USP7: variants seen among roughly 807,000 people sequenced by gnomAD.
USP7 encodes the protein ubiquitin specific peptidase 7.
A neutral mutation model predicts 162.9 loss-of-function variants in USP7; 9 were observed. That is an observed-to-expected ratio of 0.06 (90% CI 0.03 to 0.10). The LOEUF is 0.10. USP7 is among the 10% of genes least tolerant of loss of function. The pLI is 1.00. For synonymous variants in USP7, 562 were observed against 475.9 expected, an observed-to-expected ratio of 1.18 and a Z score of -2.35; for missense variants, 715 against 1,373.7, an observed-to-expected ratio of 0.52 and a Z score of 7.58.
chr16:8,903,146 A>T, intron 16 of USP7, 122 bp downstream of exon 16: 1 of 1,305,240 alleles, frequency 7.7e-7, no homozygotes, highest in Non-Finnish European at 1.0e-6. Context: ...CACACTCCTC[A>T]CTGTTAGGCA....
At chr16:8,925,287 C>T (rs1040449524) in intron 2 of USP7, among the ~76,000 whole-genome samples, 1 of 152,174 alleles carries the variant, frequency 6.6e-6, no homozygotes, top group Middle Eastern at 3.2e-3. Context: ...CCATAACACA[C>T]ACAAAACACA....
At position 8,897,726 on chromosome 16, in the gene USP7, A is replaced by AAATATATATATAT. The variant is rs1555461671; in HGVS notation, c.2719-628_2719-627insATATATATATATT. Among the ~76,000 whole-genome samples the AAATATATATATAT allele has an allele frequency of 1.8e-3, 13 of 7,142 alleles. 1 individual carries two copies. The highest frequency in any genetic ancestry group is 3.3e-3 in the African/African-American group (6 of 1,796). 4.7% of individuals were successfully genotyped at this position (7,142 alleles called of 152,430 possible). On this transcript the variant is annotated intron_variant, in intron 25 of 30. Coordinates refer to ENST00000344836, the MANE Select transcript of USP7 (RefSeq NM_003470.3). ...AAAAAAAAAAAAAAAAAAAAAAAAA[A>AAATATATATATAT]ATATATATATATATATATATAAATG... is the stretch of plus-strand genomic sequence containing the variant.
intron 2 of USP7, among the ~76,000 whole-genome samples, chr16:8,928,243 T>TA (rs1400882646): frequency 6.6e-6 from 1 of 152,206 alleles, no homozygotes; most frequent in Non-Finnish European, 1.5e-5. Flanking sequence ...AAGTCGCTGA[T>TA]AGTTTGGCTA....
In USP7 at chr16:8,933,969, C is replaced by G. The variant is rs138273822; in HGVS notation, c.80-3572G>C. 4.5e-3 allele frequency among the ~76,000 whole-genome samples: 688 copies of G among 152,196 alleles called. 5 individuals carry two copies. The highest frequency in any genetic ancestry group is 0.016 in the African/African-American group (654 of 41,538). The stretch of plus-strand genomic sequence containing the variant: ...ACAGGGTTTCACCATGTTGGCCAGG[C>G]TGGTCTCAAACTCATGACCTCAAGT... On this transcript the variant is annotated intron_variant, in intron 1 of 30. Transcript: ENST00000344836.
rs2061934028 is a variant in USP7, at chr16:8,910,792, G to C, written c.1114C>G (p.Gln372Glu). The C allele has an allele frequency of 6.2e-7, 1 of 1,613,992 alleles. No homozygotes were observed. Among genetic ancestry groups the C allele is most frequent in the Admixed American group, 1.7e-5 (1 of 60,002 alleles). Residue 372 changes from glutamine to glutamate, a missense_variant, in exon 11 of 31, where the codon CAG (glutamine) becomes GAG (glutamate). This residue lies in a region of USP7 where 21 missense variants were observed against 23.8 expected (regional missense o/e 0.88). Coordinates refer to ENST00000344836, the MANE Select transcript of USP7 (RefSeq NM_003470.3). ...TCGTATTTATTGTCCCCATCGAGCT[G>C]TTCTACTGCCACATAATCCACAAAT... ...ESFVDYVAVE[Q>E]LDGDNKYDAG...
At chr16:8,931,392 C>A (rs577845887) in intron 1 of USP7, among the ~76,000 whole-genome samples, 17 of 152,078 alleles carry the variant, frequency 1.1e-4, no homozygotes, top group Admixed American at 6.6e-5. Context: ...TTCACCATGT[C>A]GGTCAACTGG....
At chr16:8,935,201 ATTTTTT>A (rs35380091) in intron 1 of USP7, among the ~76,000 whole-genome samples, 1 of 136,410 alleles carries the variant, frequency 7.3e-6, no homozygotes, top group Non-Finnish European at 1.6e-5. Flanking sequence ...TAAGGCACTA[ATTTTTT>A]TTTTTTTTTT....
intron 1 of USP7, among the ~76,000 whole-genome samples, chr16:8,955,704 C>CAAAAAAA (rs58029349): frequency 1.5e-4 from 15 of 100,996 alleles, no homozygotes; most frequent in South Asian, 4.0e-4. Context: ...GATTCCATCT[C>CAAAAAAA]AAAAAAAAAA....
chr16:8,919,272 A>G lies in USP7; in HGVS notation c.612-133T>C, dbSNP rs2141208005. On this transcript the variant is annotated intron_variant, in intron 5 of 30. Transcript: ENST00000344836. ...GAACACTTATCACACAGCATCCTTC[A>G]ATGGTCACCGATTCCCTTCTGCTTG... 5 of 798,156 alleles carry G rather than the reference A, an allele frequency of 6.3e-6. No individual in the cohort carries two copies. The South Asian group carries it at 7.7e-5, about 12-fold the overall frequency. 49.4% of individuals were successfully genotyped at this position (798,156 alleles called of 1,614,324 possible).
At chr16:8,935,826 A>C (rs1336335143) in intron 1 of USP7, 1 of 152,178 alleles carries the variant, frequency 6.6e-6, no homozygotes, top group African/African-American at 2.4e-5. Context: ...CTTAATGCCT[A>C]TACCCAGCTT....
In USP7 at chr16:8,919,173, C is replaced by A. The variant is rs147891455; in HGVS notation, c.612-34G>T. On this transcript the variant is annotated intron_variant, in intron 5 of 30. Coordinates refer to ENST00000344836, the MANE Select transcript of USP7 (RefSeq NM_003470.3). Reference sequence around the variant, plus strand: ...TCAGTTCAAGGTTGAGGGGATCTTGCAGATACCCCATTGCTCCTGCAGTGT... The same window carrying A: ...TCAGTTCAAGGTTGAGGGGATCTTGAAGATACCCCATTGCTCCTGCAGTGT... The A allele has an allele frequency of 1.4e-4, 228 of 1,598,254 alleles. 1 individual carries two copies. Among genetic ancestry groups the A allele is most frequent in the Admixed American group, 6.7e-4 (40 of 59,988 alleles).
Position 8,901,015 on chromosome 16 carries a change from T to C in USP7, c.2183A>G (p.Gln728Arg). The C allele has an allele frequency of 6.2e-7, 1 of 1,614,148 alleles. No homozygotes were observed. The highest frequency in any genetic ancestry group is 8.5e-7 in the Non-Finnish European group (1 of 1,180,004). ...PVMCDRAGFI[Q>R]DTSLILYEEV... ...CTCATAGAGGATAAGGCTAGTATCT[T>C]GAATAAATCCTGCTCTGTCACACAT... Residue 728 changes from glutamine to arginine, a missense_variant, in exon 20 of 31, where the codon CAA becomes CGA. By Grantham distance (43) the Gln-to-Arg change is conservative. This residue lies in a region of USP7 where 197 missense variants were observed against 306.5 expected (regional missense o/e 0.64). Coordinates refer to ENST00000344836, the MANE Select transcript of USP7 (RefSeq NM_003470.3).
chr16:8,917,629 T>A (rs773412355), intron 6 of USP7, among the ~76,000 whole-genome samples: 5 of 152,230 alleles, frequency 3.3e-5, no homozygotes, highest in Non-Finnish European at 7.3e-5. Context: ...TCTGCCCACC[T>A]TGGCCTCCCA....
At chr16:8,910,268 A>G (rs1205794963) in intron 11 of USP7, among the ~76,000 whole-genome samples, 2 of 152,144 alleles carry the variant, frequency 1.3e-5, no homozygotes, top group Non-Finnish European at 2.9e-5. Flanking sequence ...CACCATGCTC[A>G]CTGCTCTCTC....
chr16:8,900,396 T>C (rs997620746), intron 21 of USP7, 134 bp downstream of exon 21: 1 of 549,386 alleles, frequency 1.8e-6, no homozygotes, highest in Non-Finnish European at 3.1e-6. Flanking sequence ...AGAGAAAGCC[T>C]CTCAACAGTT....
At chr16:8,911,460 G>C (rs1358158181) in intron 10 of USP7, among the ~76,000 whole-genome samples, 1 of 152,222 alleles carries the variant, frequency 6.6e-6, no homozygotes, top group Non-Finnish European at 1.5e-5. Context: ...ATCCAACACG[G>C]AATTGTATAT....
chr16:8,894,973 G>A (rs1208402782), intron 28 of USP7, 58 bp downstream of exon 28: 7 of 1,613,126 alleles, frequency 4.3e-6, no homozygotes, highest in African/African-American at 2.7e-5. Flanking sequence ...CGGCAACAGC[G>A]GCCACTCAAA....
At chr16:8,904,904 G>A (rs1166467678) in intron 14 of USP7, among the ~76,000 whole-genome samples, 4 of 152,152 alleles carry the variant, frequency 2.6e-5, no homozygotes, top group African/African-American at 9.6e-5. Flanking sequence ...CCCGGGAGGT[G>A]GAGCTTGCAG....
intron 12 of USP7, 45 bp downstream of exon 12, chr16:8,908,296 C>T: frequency 6.7e-7 from 1 of 1,481,708 alleles, no homozygotes. Context: ...CCCCCTAGAC[C>T]AGCATGATGA....
Sources: allele counts gnomAD v4.1 joint callset (sites outside exome capture counted in the v4.1 genomes callset), GRCh38; gene constraint gnomAD v4.1.1; regional missense constraint gnomAD v4.1.1; transcripts MANE v1.5; gene names NCBI Gene and HGNC (gene_info 2026-07-23, HGNC 2026-07-21).